Variants in RIN3 observed in about 807,000 individuals in gnomAD.
RIN3 encodes the protein Ras and Rab interactor 3.
In RIN3, 54 loss-of-function variants were observed where a neutral mutation model predicts 76.3. That is an observed-to-expected ratio of 0.71 (90% confidence interval 0.57 to 0.89). The LOEUF is 0.89. RIN3 is among the 40% of genes least tolerant of loss of function. The pLI, the probability that RIN3 is intolerant of heterozygous loss-of-function variation, is 0.00. For missense variants in RIN3, 1,256 were observed against 1,322.1 expected, an observed-to-expected ratio of 0.95 and a Z score of 0.78; for synonymous variants, 576 against 564.0, an observed-to-expected ratio of 1.02 and a Z score of -0.30.
chr14:92,649,668 G>A (rs61992599), intron 5 of RIN3, among the ~76,000 whole-genome samples: 24,407 of 152,264 alleles, frequency 0.16, 2,490 homozygotes, highest in Non-Finnish European at 0.22. Context: ...AAGGGCCCTG[G>A]CAGTCACAAA....
chr14:92,610,149 A>T (rs1198445302), intron 3 of RIN3, among the ~76,000 whole-genome samples: 1 of 152,170 alleles, frequency 6.6e-6, no homozygotes, highest in Non-Finnish European at 1.5e-5. Flanking sequence ...AGAACATTTC[A>T]TCACCTCAGA....
At chr14:92,545,455 G>T (rs1220157985) in intron 1 of RIN3, among the ~76,000 whole-genome samples, 1 of 151,930 alleles carries the variant, frequency 6.6e-6, no homozygotes, top group Non-Finnish European at 1.5e-5. Context: ...AAGAGTTACA[G>T]GAATAGTACA....
intron 3 of RIN3, among the ~76,000 whole-genome samples, chr14:92,610,129 C>A (rs1885676706): frequency 6.6e-6 from 1 of 152,164 alleles, no homozygotes; most frequent in South Asian, 2.1e-4. Flanking sequence ...ACCATCATCA[C>A]AGTCAGTTAA....
chr14:92,610,243 G>A (rs1476598797), intron 3 of RIN3, among the ~76,000 whole-genome samples: 2 of 152,124 alleles, frequency 1.3e-5, no homozygotes, highest in African/African-American at 4.8e-5. Flanking sequence ...ATGCTAAATT[G>A]TGTATTATTT....
intron 7 of RIN3, among the ~76,000 whole-genome samples, chr14:92,665,641 A>C (rs545892464): frequency 1.1e-3 from 163 of 152,148 alleles, no homozygotes; most frequent in Non-Finnish European, 8.2e-4. Context: ...TCGGCCTCTC[A>C]AAGTGCTGGG....
chr14:92,542,143 C>G (rs576243256), intron 1 of RIN3, among the ~76,000 whole-genome samples: 1 of 152,144 alleles, frequency 6.6e-6, no homozygotes, highest in South Asian at 2.1e-4. Flanking sequence ...AAAAAATTAG[C>G]CAGGTGTGGT....
Position 92,659,280 on chromosome 14 carries a change from C to A in RIN3, c.2146C>A (p.Gln716Lys). 6.2e-7 allele frequency: 1 copy of A among 1,614,040 alleles called. No homozygotes were observed. Among genetic ancestry groups the A allele is most frequent in the Non-Finnish European group, 8.5e-7 (1 of 1,179,926 alleles). Reference protein sequence around the residue: ...DGSLQQLKENQLVILATTTTD... With the variant: ...DGSLQQLKENKLVILATTTTD... ...TTCGCTGCAGCAGCTCAAGGAGAAC[C>A]AGTTAGTGATCCTGGCCACCACCAC... is the stretch of plus-strand genomic sequence containing the variant. The change falls in exon 7 of 10, where the codon CAG becomes AAG. Residue 716 changes from glutamine to lysine, a missense_variant. Gln to Lys is a moderately conservative substitution (Grantham distance 53, BLOSUM62 1). Coordinates refer to ENST00000216487, the MANE Select transcript of RIN3 (RefSeq NM_024832.5).
At chr14:92,661,250 G>C (rs1887871876) in intron 7 of RIN3, among the ~76,000 whole-genome samples, 1 of 152,198 alleles carries the variant, frequency 6.6e-6, no homozygotes, top group Non-Finnish European at 1.5e-5. Context: ...ATCTCCCCTG[G>C]AGAAGGGCAG....
intron 1 of RIN3, among the ~76,000 whole-genome samples, chr14:92,535,654 T>C (rs1896980335): frequency 6.8e-6 from 1 of 147,380 alleles, no homozygotes; most frequent in African/African-American, 2.5e-5. Flanking sequence ...TAGGACACAG[T>C]CTACCTGGAA....
At chr14:92,561,157 A>ATATT (rs1897767183) in intron 2 of RIN3, among the ~76,000 whole-genome samples, 1 of 119,316 alleles carries the variant, frequency 8.4e-6, no homozygotes, top group Non-Finnish European at 1.8e-5. Flanking sequence ...TTATATATAT[A>ATATT]TTTATATATA....
At chr14:92,667,530 A>G (rs1209537868) in intron 7 of RIN3, among the ~76,000 whole-genome samples, 1 of 152,116 alleles carries the variant, frequency 6.6e-6, no homozygotes, top group Non-Finnish European at 1.5e-5. Context: ...AAAAAAAAAA[A>G]TTAAACTGAT....
At chr14:92,584,608 G>A (rs1287344454) in intron 3 of RIN3, among the ~76,000 whole-genome samples, 1 of 152,156 alleles carries the variant, frequency 6.6e-6, no homozygotes, top group Non-Finnish European at 1.5e-5. Flanking sequence ...GAGGCCCGAT[G>A]TGTGTGGAGA....
chr14:92,554,988 C>G (rs1897538451), intron 1 of RIN3, among the ~76,000 whole-genome samples: 2 of 152,288 alleles, frequency 1.3e-5, no homozygotes, highest in South Asian at 4.1e-4. Flanking sequence ...TTCTTTTTAT[C>G]ACAGTAAGTT....
chr14:92,581,751 G>A (rs1299530728), intron 3 of RIN3, among the ~76,000 whole-genome samples: 1 of 152,152 alleles, frequency 6.6e-6, no homozygotes, highest in African/African-American at 2.4e-5. Flanking sequence ...CTGGATGGTC[G>A]TTAAAGCAGT....
chr14:92,543,685 A>G, intron 1 of RIN3, among the ~76,000 whole-genome samples: 1 of 138,410 alleles, frequency 7.2e-6, no homozygotes, highest in Non-Finnish European at 1.5e-5. Context: ...GGGGTTCAAG[A>G]GATTTTTCTC....
At position 92,652,012 on chromosome 14, in the gene RIN3, C is replaced by A. The variant is rs780957671; in HGVS notation, c.963C>A (p.His321Gln). 6.4e-7 allele frequency: 1 copy of A among 1,570,400 alleles called. No homozygotes were observed. The highest frequency in any genetic ancestry group is 8.7e-7 in the Non-Finnish European group (1 of 1,152,838). Residue 321 changes from histidine (H) to glutamine (Q), a missense_variant, in exon 6 of 10, where the codon CAC (histidine) becomes CAA (glutamine). His to Gln is a conservative substitution (Grantham distance 24, BLOSUM62 0). Coordinates refer to ENST00000216487, the MANE Select transcript of RIN3 (RefSeq NM_024832.5). The surrounding 1 kb of genome is among the most constrained non-coding windows in gnomAD (Gnocchi z 6.4). ...CCTCTCCCCCAGTGCCTGCCCCCCA[C>A]GTCACACCCCATGCCCCAGGTCCCC... ...LPTSPPVPAP[H>Q]VTPHAPGPPD...
At chr14:92,541,336 A>T (rs1897128198) in intron 1 of RIN3, among the ~76,000 whole-genome samples, 1 of 152,244 alleles carries the variant, frequency 6.6e-6, no homozygotes, top group African/African-American at 2.4e-5. Flanking sequence ...ATACAAGTAG[A>T]GTATCTAGCT....
chr14:92,533,812 A>G (rs1292466738), intron 1 of RIN3, among the ~76,000 whole-genome samples: 1 of 152,222 alleles, frequency 6.6e-6, no homozygotes, highest in Non-Finnish European at 1.5e-5. Flanking sequence ...AGAAATCACC[A>G]CTAAATAACT....
In RIN3 at chr14:92,659,394, T is replaced by C; in HGVS notation, c.2260T>C (p.Ser754Pro). The C allele has an allele frequency of 6.2e-7, 1 of 1,613,702 alleles. No individual in the cohort carries two copies. The highest frequency in any genetic ancestry group is 8.5e-7 in the Non-Finnish European group (1 of 1,179,774). ...QKFTSMHKAY[S>P]PEKKISILLK... ...GTTCACCAGCATGCACAAGGCCTACTCACCTGAGAAGAAGATCTCCATCCT... is the reference window on the plus strand; with the variant it reads ...GTTCACCAGCATGCACAAGGCCTACCCACCTGAGAAGAAGATCTCCATCCT... The change falls in exon 7 of 10, where the codon TCA (serine) becomes CCA (proline). Residue 754 changes from serine to proline, a missense_variant. Coordinates refer to ENST00000216487, the MANE Select transcript of RIN3 (RefSeq NM_024832.5).
Sources: gnomAD v4.1 joint callset for allele counts (sites outside exome capture counted in the v4.1 genomes callset) on GRCh38, gnomAD v4.1.1 for gene constraint, Gnocchi (gnomAD v3.1) non-coding constraint, MANE v1.5 for transcripts, NCBI Gene and HGNC (gene_info 2026-07-23, HGNC 2026-07-21) for gene names.